The following GALNT6 variants were observed in gnomAD, a reference collection of about 807,000 sequenced individuals.
GALNT6 encodes polypeptide N-acetylgalactosaminyltransferase 6.
Under a neutral mutation model 65.9 loss-of-function variants are expected in GALNT6, and 51 were observed. The observed-to-expected ratio is 0.77, with a 90% confidence interval of 0.62 to 0.98. The LOEUF is 0.98. GALNT6 is among the 50% of genes least tolerant of loss of function. The probability of loss-of-function intolerance (pLI) is 0.00; values close to 1 mark genes in which losing one functional copy is unlikely to be tolerated. For missense variants in GALNT6, 708 were observed against 803.3 expected, an observed-to-expected ratio of 0.88 and a Z score of 1.43; for synonymous variants, 323 against 315.1, an observed-to-expected ratio of 1.02 and a Z score of -0.26.
chr12:51,367,470 A>G (rs1300877697), intron 4 of GALNT6, among the ~76,000 whole-genome samples: 1 of 152,204 alleles, frequency 6.6e-6, no homozygotes, highest in Non-Finnish European at 1.5e-5. Flanking sequence ...TCTATTCTGA[A>G]GCAGTCCATC....
At chr12:51,383,655 G>A (rs750752394) in intron 2 of GALNT6, 2 of 152,202 alleles carry the variant, frequency 1.3e-5, no homozygotes, top group Admixed American at 1.3e-4. Flanking sequence ...CTGGCTGCCT[G>A]AAGCTTTCTC....
intron 3 of GALNT6, among the ~76,000 whole-genome samples, chr12:51,378,179 G>C (rs777499979): frequency 2.2e-4 from 33 of 152,024 alleles, no homozygotes; most frequent in Non-Finnish European, 1.0e-4. Context: ...TTTTGAGACA[G>C]AGTCTTGCTC....
intron 11 of GALNT6, among the ~76,000 whole-genome samples, chr12:51,354,714 G>A (rs546555873): frequency 6.6e-6 from 1 of 152,274 alleles, no homozygotes; most frequent in African/African-American, 2.4e-5. Context: ...CTGAGTGGAT[G>A]AAATGGTGAA....
At chr12:51,355,546 T>C (rs1946719344) in intron 11 of GALNT6, among the ~76,000 whole-genome samples, 1 of 152,198 alleles carries the variant, frequency 6.6e-6, no homozygotes. Context: ...CTCAGCTCAC[T>C]GCAACCTCCG....
At position 51,357,459 on chromosome 12, in the gene GALNT6, G is replaced by T; in HGVS notation, c.1501-9C>A. 6.2e-7 allele frequency: 1 copy of T among 1,602,144 alleles called. No homozygotes were observed. The highest frequency in any genetic ancestry group is 1.1e-5 in the South Asian group (1 of 90,824). Reference sequence around the variant, plus strand: ...GTGCCGAGGTTCTTGATCTGCAGAAGGGTGAGCAGAGAGGGGAAGCAGGAT... The same window carrying T: ...GTGCCGAGGTTCTTGATCTGCAGAATGGTGAGCAGAGAGGGGAAGCAGGAT... On this transcript the variant is annotated splice_polypyrimidine_tract_variant and intron_variant, in intron 9 of 11. Transcript: ENST00000356317.
intron 6 of GALNT6, 145 bp from the exon 7 acceptor site, chr12:51,360,983 C>T (rs1946909293): frequency 5.0e-6 from 3 of 605,330 alleles, no homozygotes; most frequent in Non-Finnish European, 9.0e-6. Context: ...CATCCACTAA[C>T]TCACTCATCA....
chr12:51,382,801 T>C (rs1947715581), intron 2 of GALNT6, among the ~76,000 whole-genome samples: 1 of 151,874 alleles, frequency 6.6e-6, no homozygotes, highest in South Asian at 2.1e-4. Context: ...TTAGTAGCAG[T>C]GTGGATGGAA....
chr12:51,355,232 T>G (rs918476151), intron 11 of GALNT6, among the ~76,000 whole-genome samples: 1 of 152,202 alleles, frequency 6.6e-6, no homozygotes, highest in African/African-American at 2.4e-5. Flanking sequence ...ACTCTTCACC[T>G]TCTTCTAATT....
rs771926448 is a variant in GALNT6 at position 51,359,248 on chromosome 12, G to A, written c.1252C>T (p.Pro418Ser). 6.2e-7 allele frequency: 1 copy of A among 1,613,830 alleles called. No individual in the cohort carries two copies. Among genetic ancestry groups the A allele is most frequent in the Admixed American group, 1.7e-5 (1 of 60,002 alleles). ...VFRTKSPHTF[P>S]KGTSVIARNQ... is the part of the protein sequence containing the mutation. ...CGAGCAATGACACTAGTGCCCTTGG[G>A]GAAGGTGTGGGGGCTCTTGGTCCGG... The change falls in exon 8 of 12, where the codon CCC becomes TCC. Residue 418 changes from proline (P) to serine (S), a missense_variant. Physicochemically the swap from Pro to Ser is moderately conservative, Grantham distance 74. Transcript: ENST00000356317.
chr12:51,388,821 C>T (rs183383250), intron 2 of GALNT6, among the ~76,000 whole-genome samples: 1 of 152,320 alleles, frequency 6.6e-6, no homozygotes, highest in African/African-American at 2.4e-5. Flanking sequence ...TATGGCAATG[C>T]TATTTTGCTA....
intron 6 of GALNT6, 64 bp downstream of exon 6, chr12:51,364,057 A>G: frequency 9.2e-7 from 1 of 1,085,710 alleles, no homozygotes; most frequent in Non-Finnish European, 1.4e-6. Flanking sequence ...GTGAGATGGC[A>G]CAGGTTCCTG....
rs924434721 is a variant in GALNT6 at position 51,357,343 on chromosome 12, G to C, written c.1602+6C>G. On this transcript the variant is annotated splice_donor_region_variant and intron_variant, in intron 10 of 11. Coordinates refer to ENST00000356317, the MANE Select transcript of GALNT6 (RefSeq NM_007210.4). ...GAGATGCTCCGGAGATGGGTGGGCT[G>C]CATACCTGGTTGCCGCCAAGGCCGT... The C allele has an allele frequency of 6.3e-7, 1 of 1,586,824 alleles. No individual in the cohort carries two copies. The highest frequency in any genetic ancestry group is 1.7e-5 in the Admixed American group (1 of 59,976).
intron 4 of GALNT6, among the ~76,000 whole-genome samples, chr12:51,374,591 T>C (rs1173851907): frequency 1.3e-5 from 2 of 152,142 alleles, no homozygotes; most frequent in East Asian, 3.8e-4. Context: ...CCCCAGCGCT[T>C]ACACTGGGAA....
chr12:51,368,393 ATG>A (rs1232214108), intron 4 of GALNT6, among the ~76,000 whole-genome samples: 2 of 68,786 alleles, frequency 2.9e-5, no homozygotes, highest in African/African-American at 1.0e-4. Context: ...TTTTTTTTCC[ATG>A]TTTTTTTTTT....
chr12:51,377,797 C>T (rs1947512885), intron 3 of GALNT6, among the ~76,000 whole-genome samples: 1 of 152,226 alleles, frequency 6.6e-6, no homozygotes, highest in South Asian at 2.1e-4. Flanking sequence ...AGAAAAGTGA[C>T]TATGATTTCC....
At chr12:51,377,053 C>T (rs1947477851) in intron 4 of GALNT6, 142 bp downstream of exon 4, 1 of 678,874 alleles carries the variant, frequency 1.5e-6, no homozygotes, top group South Asian at 1.9e-5. Flanking sequence ...TGACTTCTTC[C>T]TGCTCCTGGC....
In GALNT6 at chr12:51,354,275, C is replaced by A; in HGVS notation, c.*104G>T. The A allele has an allele frequency of 1.6e-6, 1 of 630,408 alleles. No homozygotes were observed. Among genetic ancestry groups the A allele is most frequent in the South Asian group, 2.4e-5 (1 of 42,044 alleles). 39.1% of individuals were successfully genotyped at this position (630,408 alleles called of 1,614,324 possible). ...CTTGCCACCCAGTGGGTTTAGAAAT[C>A]CATCTTTACGGCCTCCAGAGAAGCT... On this transcript the variant is annotated 3_prime_UTR_variant, in exon 12 of 12. Coordinates refer to ENST00000356317, the MANE Select transcript of GALNT6 (RefSeq NM_007210.4).
intron 7 of GALNT6, among the ~76,000 whole-genome samples, chr12:51,360,386 A>T (rs1946880654): frequency 6.6e-6 from 1 of 152,058 alleles, no homozygotes; most frequent in Non-Finnish European, 1.5e-5. Context: ...AGTTGTGAAC[A>T]TACTAACCTG....
chr12:51,384,803 T>A (rs1261376449), intron 2 of GALNT6, among the ~76,000 whole-genome samples: 1 of 152,118 alleles, frequency 6.6e-6, no homozygotes, highest in Non-Finnish European at 1.5e-5. Context: ...GAGGATTGCT[T>A]GAGCCCAGGA....
Sources: allele counts gnomAD v4.1 joint callset (sites outside exome capture counted in the v4.1 genomes callset), GRCh38; gene constraint gnomAD v4.1.1; transcripts MANE v1.5; gene names NCBI Gene and HGNC (gene_info 2026-07-23, HGNC 2026-07-21).